Variants in ADAMTS6 observed in about 807,000 individuals in gnomAD.
The protein encoded by ADAMTS6 is ADAM metallopeptidase with thrombospondin type 1 motif 6.
Under a neutral mutation model 144.3 loss-of-function variants are expected in ADAMTS6, and 23 were observed. The observed-to-expected ratio is 0.16, with a 90% CI of 0.11 to 0.23. The LOEUF (loss-of-function observed/expected upper bound fraction) is 0.23. ADAMTS6 is among the 10% of genes least tolerant of loss of function. The pLI is 1.00. For synonymous variants in ADAMTS6, 444 were observed against 457.5 expected (o/e 0.97, Z 0.38); for missense variants, 999 against 1,379.6 (o/e 0.72, Z 4.37).
chr5:65,459,175 G>A (rs1402481452), intron 4 of ADAMTS6, among the ~76,000 whole-genome samples: 1 of 152,004 alleles, frequency 6.6e-6, no homozygotes, highest in Non-Finnish European at 1.5e-5. Flanking sequence ...ACCGCGCCCG[G>A]CCTGTTTCTC....
At chr5:65,315,914 T>A (rs966781958) in intron 9 of ADAMTS6, among the ~76,000 whole-genome samples, 2 of 152,110 alleles carry the variant, frequency 1.3e-5, no homozygotes, top group Non-Finnish European at 2.9e-5. Flanking sequence ...TAGAAACATT[T>A]TTTTTTTCCT....
intron 24 of ADAMTS6, among the ~76,000 whole-genome samples, chr5:65,157,191 T>C (rs570512411): frequency 4.9e-4 from 75 of 152,342 alleles, no homozygotes; most frequent in Non-Finnish European, 8.7e-4. Flanking sequence ...TAGAGTTGAA[T>C]GATAAAATTA....
chr5:65,175,075 T>C lies in ADAMTS6; in HGVS notation c.2911-2067A>G, dbSNP rs182211280. On this transcript the variant is annotated intron_variant, in intron 22 of 24. Transcript: ENST00000381055. ...GCCAGGGCACCCAGATGAGTTCCCATACATAGACCCTTGGTTACAGCTGGT... is the reference window on the plus strand; with the variant it reads ...GCCAGGGCACCCAGATGAGTTCCCACACATAGACCCTTGGTTACAGCTGGT... Among the ~76,000 whole-genome samples the C allele has an allele frequency of 2.0e-5, 3 of 152,146 alleles. No individual in the cohort carries two copies. In the East Asian group the frequency reaches 5.8e-4, roughly 29 times the overall value.
chr5:65,231,405 G>A (rs537782184), intron 15 of ADAMTS6, among the ~76,000 whole-genome samples: 27 of 152,160 alleles, frequency 1.8e-4, no homozygotes, highest in African/African-American at 5.5e-4. Context: ...AAAATACAAT[G>A]AGAGAAATAG....
chr5:65,429,634 C>T (rs1049003681), intron 7 of ADAMTS6, among the ~76,000 whole-genome samples: 5 of 151,960 alleles, frequency 3.3e-5, no homozygotes, highest in African/African-American at 1.2e-4. Context: ...TCCTTTCTCC[C>T]CTATGTTTTG....
chr5:65,401,226 C>G (rs1429630989), intron 7 of ADAMTS6, among the ~76,000 whole-genome samples: 1 of 152,146 alleles, frequency 6.6e-6, no homozygotes, highest in Non-Finnish European at 1.5e-5. Flanking sequence ...AGGTCTCAGC[C>G]TTTCAGTGCA....
intron 7 of ADAMTS6, among the ~76,000 whole-genome samples, chr5:65,417,436 A>T (rs1755635079): frequency 6.6e-6 from 1 of 152,190 alleles, no homozygotes; most frequent in African/African-American, 2.4e-5. Context: ...AAGAAGGCAA[A>T]CTATCTCTGC....
chr5:65,158,978 A>G (rs1395006356), intron 24 of ADAMTS6, among the ~76,000 whole-genome samples: 1 of 152,064 alleles, frequency 6.6e-6, no homozygotes, highest in Non-Finnish European at 1.5e-5. Flanking sequence ...TTAAAGCTTC[A>G]GAGGACTAAT....
chr5:65,406,479 G>T (rs1304840563), intron 7 of ADAMTS6, among the ~76,000 whole-genome samples: 1 of 152,154 alleles, frequency 6.6e-6, no homozygotes, highest in Non-Finnish European at 1.5e-5. Flanking sequence ...AACAAGCCTT[G>T]CATCCCAGGG....
At position 65,220,272 on chromosome 5, in the gene ADAMTS6, TA is replaced by T. The variant is rs1757226025; in HGVS notation, c.2272+4047del. Among the ~76,000 whole-genome samples, 10 of 152,228 alleles carry T rather than the reference TA, an allele frequency of 6.6e-5. No individual in the cohort carries two copies. The South Asian group carries it at 2.1e-3, about 32-fold the overall frequency. On this transcript the variant is annotated intron_variant, in intron 18 of 24. Transcript: ENST00000381055. ...GTCACAAGATAAATAAGGAAATATT[TA>T]AAACTTCATAAGGAAAATAAAATGT... is the stretch of plus-strand genomic sequence containing the variant.
At chr5:65,345,244 C>T (rs529012811) in intron 7 of ADAMTS6, among the ~76,000 whole-genome samples, 2 of 151,748 alleles carry the variant, frequency 1.3e-5, no homozygotes, top group East Asian at 3.9e-4. Flanking sequence ...TTTCCACTCC[C>T]TATTTCCATT....
chr5:65,408,957 C>T (rs1304924015), intron 7 of ADAMTS6, among the ~76,000 whole-genome samples: 1 of 152,110 alleles, frequency 6.6e-6, no homozygotes. Context: ...CCAATGAGAA[C>T]AAAGACACAA....
chr5:65,378,165 G>C (rs184201106), intron 7 of ADAMTS6, among the ~76,000 whole-genome samples: 1 of 152,036 alleles, frequency 6.6e-6, no homozygotes, highest in Non-Finnish European at 1.5e-5. Context: ...ATATCTTTTG[G>C]GGGGATACAA....
In ADAMTS6 at chr5:65,178,759, T is replaced by G. The variant is rs533182302; in HGVS notation, c.2911-5751A>C. Among the ~76,000 whole-genome samples the G allele has an allele frequency of 2.0e-5, 3 of 152,332 alleles. No individual in the cohort carries two copies. In the South Asian group the frequency reaches 6.2e-4, roughly 32 times the overall value. ...GCCCCCCATACTGTGGTAACTTTAATGACTATCAAAGGACATCATTGGTTA... is the reference window on the plus strand; with the variant it reads ...GCCCCCCATACTGTGGTAACTTTAAGGACTATCAAAGGACATCATTGGTTA... On this transcript the variant is annotated intron_variant, in intron 22 of 24. Transcript: ENST00000381055.
At chr5:65,286,302 GA>G (rs1741648833) in intron 11 of ADAMTS6, among the ~76,000 whole-genome samples, 1 of 152,208 alleles carries the variant, frequency 6.6e-6, no homozygotes, top group Admixed American at 6.5e-5. Flanking sequence ...ATGGTGAACA[GA>G]TTTTTTTTTA....
At chr5:65,425,531 T>G (rs1002082831) in intron 7 of ADAMTS6, among the ~76,000 whole-genome samples, 7 of 152,220 alleles carry the variant, frequency 4.6e-5, no homozygotes, top group Admixed American at 4.6e-4. Flanking sequence ...GGCTTTCACG[T>G]AGAATAGTCC....
intron 15 of ADAMTS6, among the ~76,000 whole-genome samples, chr5:65,238,268 A>T (rs1191827791): frequency 1.3e-5 from 2 of 152,204 alleles, no homozygotes; most frequent in African/African-American, 4.8e-5. Flanking sequence ...TCTCTATTTC[A>T]GGACAACATG....
At chr5:65,373,617 T>C (rs957948879) in intron 7 of ADAMTS6, among the ~76,000 whole-genome samples, 1 of 152,076 alleles carries the variant, frequency 6.6e-6, no homozygotes, top group Non-Finnish European at 1.5e-5. Context: ...CAATAATCAA[T>C]AGCTTACCAA....
intron 22 of ADAMTS6, among the ~76,000 whole-genome samples, chr5:65,177,143 T>C (rs575313626): frequency 1.3e-5 from 2 of 152,236 alleles, no homozygotes; most frequent in African/African-American, 4.8e-5. Flanking sequence ...TGTTAACCAC[T>C]GAGACTGCCG....
Sources: allele counts gnomAD v4.1 joint callset (sites outside exome capture counted in the v4.1 genomes callset), GRCh38; gene constraint gnomAD v4.1.1; transcripts MANE v1.5; gene names NCBI Gene and HGNC (gene_info 2026-07-23, HGNC 2026-07-21).